The following KLHL1 variants were observed in gnomAD, a reference collection of about 807,000 sequenced individuals.
KLHL1 encodes kelch-like protein 1.
In KLHL1, 47 loss-of-function variants were observed where a neutral mutation model predicts 77.7. That is an observed-to-expected ratio of 0.60 (90% confidence interval 0.48 to 0.77). KLHL1 has a LOEUF of 0.77. Among genes scored for constraint, KLHL1 ranks in the 30% least tolerant of loss-of-function variants. KLHL1 has a pLI of 0.00. For synonymous variants in KLHL1, 360 were observed against 325.2 expected (o/e 1.11, Z -1.15); for missense variants, 925 against 910.8 (o/e 1.02, Z -0.20).
chr13:70,001,703 TCTA>T lies in KLHL1; in HGVS notation c.498-25904_498-25902del, dbSNP rs1454122017. Among the ~76,000 whole-genome samples, 212 of 144,352 alleles carry T rather than the reference TCTA, an allele frequency of 1.5e-3. 1 individual carries two copies. The highest frequency in any genetic ancestry group is 5.1e-3 in the African/African-American group (205 of 39,830). 94.7% of individuals were successfully genotyped at this position (144,352 alleles called of 152,430 possible). On this transcript the variant is annotated intron_variant, in intron 1 of 10. Transcript: ENST00000377844. ...TATCTATCTATCTATCTATCATCTTTCTACTATCTTCCTATCTTAAATAGATCA... is the reference window on the plus strand; with the variant it reads ...TATCTATCTATCTATCTATCATCTTTCTATCTTCCTATCTTAAATAGATCA...
intron 7 of KLHL1, among the ~76,000 whole-genome samples, chr13:69,751,313 C>T (rs1874469362): frequency 6.6e-6 from 1 of 151,808 alleles, no homozygotes; most frequent in South Asian, 2.1e-4. Flanking sequence ...TATGATATGC[C>T]TTCTATAAGT....
In KLHL1 at chr13:69,766,228, A is replaced by G. The variant is rs116072983; in HGVS notation, c.1640-25672T>C. Among the ~76,000 whole-genome samples, 624 of 152,286 alleles carry G rather than the reference A, an allele frequency of 4.1e-3. 8 individuals carry two copies. The highest frequency in any genetic ancestry group is 0.014 in the African/African-American group (599 of 41,564). ...GGAGGACACACACCATATGGAAAAC[A>G]GCAATCAAATATAGGAGGAATTAAC... On this transcript the variant is annotated intron_variant, in intron 7 of 10. Transcript: ENST00000377844.
chr13:69,789,154 C>A (rs1876731693), intron 7 of KLHL1, among the ~76,000 whole-genome samples: 1 of 152,056 alleles, frequency 6.6e-6, no homozygotes, highest in South Asian at 2.1e-4. Context: ...TTAATTAAAT[C>A]ATTGCATGAA....
intron 7 of KLHL1, among the ~76,000 whole-genome samples, chr13:69,791,271 T>C (rs908500175): frequency 6.6e-6 from 1 of 151,852 alleles, no homozygotes; most frequent in Non-Finnish European, 1.5e-5. Context: ...TTTAGCAAAA[T>C]AGGTACAAGA....
intron 3 of KLHL1, among the ~76,000 whole-genome samples, chr13:69,941,032 C>T (rs1032939721): frequency 1.3e-5 from 2 of 151,804 alleles, no homozygotes; most frequent in Non-Finnish European, 2.9e-5. Flanking sequence ...AGTTGTATAA[C>T]TTGTATAATT....
chr13:69,979,688 A>G (rs1041160302), intron 1 of KLHL1, among the ~76,000 whole-genome samples: 2 of 152,162 alleles, frequency 1.3e-5, no homozygotes, highest in African/African-American at 4.8e-5. Context: ...GAAACTCTTA[A>G]CATTTGTCTT....
intron 5 of KLHL1, among the ~76,000 whole-genome samples, chr13:69,880,319 C>G (rs544764663): frequency 6.6e-6 from 1 of 152,210 alleles, no homozygotes; most frequent in African/African-American, 2.4e-5. Flanking sequence ...GATAGCCCTT[C>G]TTTTATATGA....
chr13:70,099,488 A>G (rs1365239056), intron 1 of KLHL1, among the ~76,000 whole-genome samples: 1 of 151,956 alleles, frequency 6.6e-6, no homozygotes, highest in Non-Finnish European at 1.5e-5. Context: ...CAATGTACAT[A>G]TTTCAGCATC....
intron 5 of KLHL1, among the ~76,000 whole-genome samples, chr13:69,847,636 GT>G (rs1430061578): frequency 2.0e-5 from 3 of 151,392 alleles, no homozygotes; most frequent in Non-Finnish European, 3.0e-5. Context: ...AACATATATA[GT>G]TATGAAAACA....
In KLHL1 at chr13:69,975,717, C is replaced by T; in HGVS notation, c.583G>A (p.Ala195Thr). ...TCCATCTTTCTGAAGGTTTGCTCAG[C>T]ATGATGAACAGCTTGATAGAATTCT... is the stretch of plus-strand genomic sequence containing the variant. ...SEEFYQAVHH[A>T]EQTFRKMESY... is the part of the protein sequence containing the mutation. The change falls in exon 2 of 11, where the codon GCT (alanine) becomes ACT (threonine). Residue 195 changes from alanine to threonine, a missense_variant. Transcript: ENST00000377844. The T allele has an allele frequency of 6.2e-7, 1 of 1,613,566 alleles. No homozygotes were observed. The highest frequency in any genetic ancestry group is 8.5e-7 in the Non-Finnish European group (1 of 1,179,770).
chr13:69,979,201 TA>T (rs1193534536), intron 1 of KLHL1, among the ~76,000 whole-genome samples: 1 of 151,890 alleles, frequency 6.6e-6, no homozygotes, highest in Non-Finnish European at 1.5e-5. Context: ...AGTTCTCTCC[TA>T]GATTTTTTTC....
intron 5 of KLHL1, among the ~76,000 whole-genome samples, chr13:69,874,171 C>A (rs1880682777): frequency 1.3e-5 from 2 of 151,958 alleles, no homozygotes; most frequent in Non-Finnish European, 2.9e-5. Flanking sequence ...GACTATGCAC[C>A]TCCCTTTAGT....
chr13:69,769,823 C>T (rs141497514), intron 7 of KLHL1, among the ~76,000 whole-genome samples: 140 of 152,200 alleles, frequency 9.2e-4, no homozygotes, highest in African/African-American at 2.8e-3. Flanking sequence ...TATTCACGTA[C>T]CCTCATTCTT....
chr13:69,879,683 C>CT (rs989116319), intron 5 of KLHL1, among the ~76,000 whole-genome samples: 2 of 152,100 alleles, frequency 1.3e-5, no homozygotes, highest in Admixed American at 6.6e-5. Flanking sequence ...TTCAATTAAA[C>CT]TTTTTTTTCA....
intron 7 of KLHL1, among the ~76,000 whole-genome samples, chr13:69,793,421 G>A (rs1876959795): frequency 2.0e-5 from 3 of 151,178 alleles, no homozygotes; most frequent in Admixed American, 2.0e-4. Context: ...ATCATTTTTC[G>A]ATAGCTGTGA....
At chr13:69,978,503 T>G (rs1884613346) in intron 1 of KLHL1, among the ~76,000 whole-genome samples, 1 of 137,172 alleles carries the variant, frequency 7.3e-6, no homozygotes, top group Non-Finnish European at 1.6e-5. Flanking sequence ...TTTTTTTTTT[T>G]TGAGACAAAG....
At chr13:69,813,295 A>AG (rs1264896059) in intron 6 of KLHL1, among the ~76,000 whole-genome samples, 1 of 148,904 alleles carries the variant, frequency 6.7e-6, no homozygotes, top group Non-Finnish European at 1.5e-5. Flanking sequence ...GGACACAGGA[A>AG]GGGGAACATC....
chr13:69,752,425 A>T (rs1179330207), intron 7 of KLHL1, among the ~76,000 whole-genome samples: 1 of 152,176 alleles, frequency 6.6e-6, no homozygotes, highest in Non-Finnish European at 1.5e-5. Context: ...AGCAAAATAT[A>T]TTTTGTTAAT....
At chr13:69,744,949 A>G (rs1346355698) in intron 7 of KLHL1, among the ~76,000 whole-genome samples, 1 of 152,098 alleles carries the variant, frequency 6.6e-6, no homozygotes, top group Non-Finnish European at 1.5e-5. Flanking sequence ...TTCTTGATGT[A>G]CATATGAGTT....
Sources: gnomAD v4.1 joint callset for allele counts (sites outside exome capture counted in the v4.1 genomes callset) on GRCh38, gnomAD v4.1.1 for gene constraint, MANE v1.5 for transcripts, NCBI Gene and HGNC (gene_info 2026-07-23, HGNC 2026-07-21) for gene names.